The following APTX variants were observed in gnomAD, a reference collection of about 807,000 sequenced individuals.
APTX encodes the protein aprataxin.
Under a neutral mutation model 42.3 loss-of-function variants are expected in APTX, and 33 were observed. The observed-to-expected ratio is 0.78, with a 90% CI of 0.59 to 1.04. The LOEUF (loss-of-function observed/expected upper bound fraction) is 1.04, where lower values mean the gene tolerates loss of function less well. Among genes scored for constraint, APTX ranks in the 50% least tolerant of loss-of-function variants. The probability of loss-of-function intolerance (pLI) is 0.00; values close to 1 mark genes in which losing one functional copy is unlikely to be tolerated. For synonymous variants in APTX, 130 were observed against 146.7 expected, an observed-to-expected ratio of 0.89 and a Z score of 0.82; for missense variants, 421 against 415.1, an observed-to-expected ratio of 1.01 and a Z score of -0.12.
chr9:32,973,829 T>C, intron 7 of APTX, 177 bp from the exon 8 acceptor site: 2 of 780,354 alleles, frequency 2.6e-6, no homozygotes, highest in South Asian at 1.5e-5. Flanking sequence ...AATCAGATTA[T>C]AAATATGAGC....
chr9:32,974,188 C>T (rs570809942), intron 7 of APTX, among the ~76,000 whole-genome samples: 5 of 152,306 alleles, frequency 3.3e-5, no homozygotes, highest in Admixed American at 6.5e-5. Context: ...CTAATTCTCA[C>T]GGCAGCCTTT....
At chr9:33,010,719 C>CAA (rs369862649) in intron 1 of APTX, among the ~76,000 whole-genome samples, 10 of 127,264 alleles carry the variant, frequency 7.9e-5, no homozygotes, top group Non-Finnish European at 1.5e-4. Context: ...AACCTCGTTC[C>CAA]AAAAAAAAAA....
At chr9:32,981,059 T>C (rs895811559) in intron 6 of APTX, among the ~76,000 whole-genome samples, 1 of 152,120 alleles carries the variant, frequency 6.6e-6, no homozygotes, top group African/African-American at 2.4e-5. Context: ...AGGAAGAAAA[T>C]ATATTAACTA....
intron 1 of APTX, among the ~76,000 whole-genome samples, chr9:33,010,627 G>A (rs1837472864): frequency 1.3e-5 from 2 of 151,898 alleles, no homozygotes; most frequent in Non-Finnish European, 2.9e-5. Context: ...GCTGAGGCAG[G>A]AGAATCGCTT....
rs556994344 is a variant in APTX, at chr9:32,990,809, T to G, written c.-4-914A>C. Among the ~76,000 whole-genome samples, 7 of 152,328 alleles carry G rather than the reference T, an allele frequency of 4.6e-5. No individual in the cohort carries two copies. The East Asian group carries it at 1.2e-3, about 25-fold the overall frequency. On this transcript the variant is annotated intron_variant, in intron 1 of 7. Transcript: ENST00000379817. ...AAAAAGATGTTCTCTAGTGCTTAGGTGTCTTTATGTGTCATAGGTTTTCCT... is the reference window on the plus strand; with the variant it reads ...AAAAAGATGTTCTCTAGTGCTTAGGGGTCTTTATGTGTCATAGGTTTTCCT...
intron 6 of APTX, among the ~76,000 whole-genome samples, chr9:32,981,457 T>A (rs1425818317): frequency 6.6e-6 from 1 of 152,136 alleles, no homozygotes; most frequent in Non-Finnish European, 1.5e-5. Flanking sequence ...GATTCATACA[T>A]GCATTTCTGG....
intron 1 of APTX, among the ~76,000 whole-genome samples, chr9:33,022,987 C>G (rs146922657): frequency 2.6e-5 from 4 of 152,198 alleles, no homozygotes; most frequent in Non-Finnish European, 5.9e-5. Flanking sequence ...CAGGCCCACA[C>G]CACCACACTA....
chr9:32,982,781 T>C (rs77553021), intron 6 of APTX, among the ~76,000 whole-genome samples: 1,526 of 152,292 alleles, frequency 0.01, 16 homozygotes, highest in African/African-American at 0.032. Flanking sequence ...AGGGCTCTGT[T>C]AGTCAGGGGC....
chr9:32,987,065 C>T (rs959087245), intron 4 of APTX, among the ~76,000 whole-genome samples: 1 of 152,186 alleles, frequency 6.6e-6, no homozygotes, highest in African/African-American at 2.4e-5. Context: ...CTGCCCACCT[C>T]GGCCTCCCAA....
chr9:33,018,090 T>C (rs1383794131), intron 1 of APTX, among the ~76,000 whole-genome samples: 8 of 151,712 alleles, frequency 5.3e-5, no homozygotes. Flanking sequence ...GAGTCAGAAA[T>C]GAAAACCAAA....
rs34600530 is a variant in APTX, at chr9:32,974,572, GAAA to G, written c.771-14_771-12del. 73 of 1,369,244 alleles carry G rather than the reference GAAA, an allele frequency of 5.3e-5. No homozygotes were observed. The Middle Eastern group carries it at 5.7e-4, about 11-fold the overall frequency. The allele number at this position is 1,369,244 out of a possible 1,614,324, so 84.8% of individuals were successfully genotyped here. On this transcript the variant is annotated splice_polypyrimidine_tract_variant and intron_variant, in intron 6 of 7. Transcript: ENST00000379817. ...TGAAGATGTACATGGCTAGTTGAAA[GAAA>G]AAAAAACTGAGCATTAAACTCTTTA... is the stretch of plus-strand genomic sequence containing the variant.
intron 1 of APTX, among the ~76,000 whole-genome samples, chr9:33,023,922 G>C (rs60528146): frequency 6.6e-6 from 1 of 151,776 alleles, no homozygotes; most frequent in African/African-American, 2.4e-5. Context: ...TATCCAATTA[G>C]TTGCAATTTC....
chr9:32,986,341 G>A (rs1211214959), intron 4 of APTX, among the ~76,000 whole-genome samples: 2 of 151,880 alleles, frequency 1.3e-5, no homozygotes, highest in Non-Finnish European at 1.5e-5. Flanking sequence ...GATTACAGGT[G>A]CCCACCACCA....
chr9:32,995,266 G>C (rs1834551866), intron 1 of APTX, among the ~76,000 whole-genome samples: 1 of 152,104 alleles, frequency 6.6e-6, no homozygotes, highest in Non-Finnish European at 1.5e-5. Context: ...TTCTGAAAAG[G>C]ATACAACCAT....
chr9:32,986,532 C>T (rs1271230126), intron 4 of APTX, among the ~76,000 whole-genome samples: 11 of 147,510 alleles, frequency 7.5e-5, no homozygotes, highest in African/African-American at 1.8e-4. Flanking sequence ...GATGGGGTTT[C>T]GCTCTTGTTG....
chr9:32,990,088 T>G, intron 1 of APTX, 193 bp from the exon 2 acceptor site: 2 of 654,526 alleles, frequency 3.1e-6, no homozygotes, highest in Non-Finnish European at 5.4e-6. Context: ...GTTGTGAAAA[T>G]TAAATGAGAT....
At chr9:32,994,051 G>A (rs959116202) in intron 1 of APTX, among the ~76,000 whole-genome samples, 2 of 152,128 alleles carry the variant, frequency 1.3e-5, no homozygotes, top group Admixed American at 6.5e-5. Context: ...GAGTTGAGGG[G>A]ATCCGTCAGA....
intron 1 of APTX, among the ~76,000 whole-genome samples, chr9:33,008,492 C>T (rs964666215): frequency 5.3e-5 from 8 of 151,764 alleles, no homozygotes; most frequent in African/African-American, 1.2e-4. Context: ...CCTCCAAACT[C>T]GGCCTCCCAA....
chr9:32,999,811 T>C (rs1028002977), intron 1 of APTX, among the ~76,000 whole-genome samples: 11 of 151,998 alleles, frequency 7.2e-5, no homozygotes, highest in Non-Finnish European at 1.6e-4. Context: ...CCGTCTCTAC[T>C]AAAAAATACA....
Sources: gnomAD v4.1 joint callset for allele counts (sites outside exome capture counted in the v4.1 genomes callset) on GRCh38, gnomAD v4.1.1 for gene constraint, MANE v1.5 for transcripts, NCBI Gene and HGNC (gene_info 2026-07-23, HGNC 2026-07-21) for gene names.